The following TTI1 variants were observed in gnomAD, a reference collection of about 807,000 sequenced individuals.
TTI1 encodes the protein TELO2-interacting protein 1 homolog.
TTI1 carries 52 observed loss-of-function variants against 85.4 expected under a neutral mutation model. That is an observed-to-expected ratio of 0.61 (90% CI 0.49 to 0.77). The LOEUF (loss-of-function observed/expected upper bound fraction) is 0.77, where lower values mean the gene tolerates loss of function less well. TTI1 is among the 30% of genes least tolerant of loss of function. The probability of loss-of-function intolerance (pLI) is 0.00; values close to 1 mark genes in which losing one functional copy is unlikely to be tolerated. For synonymous variants in TTI1, 512 were observed against 503.9 expected (o/e 1.02, Z -0.22); for missense variants, 1,173 against 1,296.0 (o/e 0.91, Z 1.46).
chr20:38,031,165 ACT>A (rs2073901280), intron 1 of TTI1, among the ~76,000 whole-genome samples: 2 of 151,520 alleles, frequency 1.3e-5, no homozygotes, highest in Non-Finnish European at 2.9e-5. Context: ...CTACCTTTGC[ACT>A]CTTACTGTCT....
At chr20:37,987,686 T>G (rs2073210677) in intron 7 of TTI1, among the ~76,000 whole-genome samples, 1 of 152,190 alleles carries the variant, frequency 6.6e-6, no homozygotes, top group South Asian at 2.1e-4. Flanking sequence ...TTTAAAAAAT[T>G]TAGAACTCGC....
At chr20:38,025,133 T>C (rs949572179) in intron 1 of TTI1, among the ~76,000 whole-genome samples, 3 of 152,170 alleles carry the variant, frequency 2.0e-5, no homozygotes, top group East Asian at 1.9e-4. Flanking sequence ...GTGTCAGAGA[T>C]TGTTTAGTCT....
intron 6 of TTI1, 87 bp downstream of exon 6, chr20:37,996,662 G>C (rs2073344546): frequency 2.0e-6 from 3 of 1,478,534 alleles, no homozygotes; most frequent in Admixed American, 1.9e-5. Context: ...GGGGAGGGGA[G>C]GGGGGCACGA....
At chr20:38,011,436 G>A in intron 2 of TTI1, 79 bp downstream of exon 2, 2 of 1,495,552 alleles carry the variant, frequency 1.3e-6, no homozygotes, top group South Asian at 1.3e-5. Flanking sequence ...CACAAACAAT[G>A]CAAAAAACGA....
intron 2 of TTI1, among the ~76,000 whole-genome samples, chr20:38,007,913 T>C (rs145512196): frequency 1.5e-4 from 23 of 152,292 alleles, no homozygotes; most frequent in African/African-American, 5.1e-4. Flanking sequence ...TCCCAAATAG[T>C]TAAAACCTGG....
At position 38,012,514 on chromosome 20, in the gene TTI1, C is replaced by T; in HGVS notation, c.1303G>A (p.Val435Ile). ...ATGTCAGCCACGTCTAGCTCTAGAACTTGGATGAGTGCTTTGGAAAGCCGC... is the reference window on the plus strand; with the variant it reads ...ATGTCAGCCACGTCTAGCTCTAGAATTTGGATGAGTGCTTTGGAAAGCCGC... Reference protein sequence around the residue: ...LQRLSKALIQVLELDVADIKI... With the variant: ...LQRLSKALIQILELDVADIKI... The change falls in exon 2 of 8, where the codon GTT becomes ATT. Residue 435 changes from valine (V) to isoleucine (I), a missense_variant. Physicochemically the swap from Val to Ile is conservative, Grantham distance 29 (BLOSUM62 3). Coordinates refer to ENST00000373447, the MANE Select transcript of TTI1 (RefSeq NM_001303457.2). The T allele has an allele frequency of 1.2e-6, 2 of 1,614,170 alleles. No individual in the cohort carries two copies. Among genetic ancestry groups the T allele is most frequent in the Non-Finnish European group, 1.7e-6 (2 of 1,180,048 alleles).
At position 38,013,083 on chromosome 20, in the gene TTI1, A is replaced by C; in HGVS notation, c.734T>G (p.Phe245Cys). The part of the protein sequence containing the change: ...SLKIFYKTVS[F>C]IMADEQLKRI... The stretch of plus-strand genomic sequence containing the variant: ...TTTGAGCTGTTCATCAGCCATAATG[A>C]AGCTCACTGTCTTGTAAAAGATCTT... The change falls in exon 2 of 8, where the codon TTC becomes TGC. Residue 245 changes from phenylalanine (F) to cysteine (C), a missense_variant. Transcript: ENST00000373447. 1 of 1,614,206 alleles carries C rather than the reference A, an allele frequency of 6.2e-7. No individual in the cohort carries two copies.
At chr20:37,987,272 A>G in intron 7 of TTI1, 2 of 456,734 alleles carry the variant, frequency 4.4e-6, no homozygotes, top group Non-Finnish European at 8.8e-6. Flanking sequence ...CTGAAAGCCA[A>G]AGTTGTTGAA....
chr20:38,023,143 T>C (rs1398191857), intron 1 of TTI1, among the ~76,000 whole-genome samples: 1 of 152,210 alleles, frequency 6.6e-6, no homozygotes, highest in African/African-American at 2.4e-5. Flanking sequence ...TAGGTATTTA[T>C]TGTATTCCTC....
chr20:38,024,782 A>T (rs1024330074), intron 1 of TTI1, among the ~76,000 whole-genome samples: 1 of 152,198 alleles, frequency 6.6e-6, no homozygotes, highest in African/African-American at 2.4e-5. Context: ...AAGGAAGACA[A>T]AGTAGGAGCA....
In TTI1 at chr20:38,011,852, T is replaced by C; in HGVS notation, c.1965A>G (p.Pro655=). ...FCLLLMSALY[P]VLEKAGDQTL... ...TTTGGTCTCCAGCCTTCTCCAGTACTGGATAAAGGGCTGACATCAAGAGCA... is the reference window on the plus strand; with the variant it reads ...TTTGGTCTCCAGCCTTCTCCAGTACCGGATAAAGGGCTGACATCAAGAGCA... The change falls in exon 2 of 8, where the codon CCA becomes CCG. Residue 655 remains proline, a synonymous_variant. Transcript: ENST00000373447. The C allele has an allele frequency of 6.2e-7, 1 of 1,614,248 alleles. No individual in the cohort carries two copies. The highest frequency in any genetic ancestry group is 8.5e-7 in the Non-Finnish European group (1 of 1,180,048).
At chr20:38,030,528 A>AACACACAC (rs3038751) in intron 1 of TTI1, among the ~76,000 whole-genome samples, 15,839 of 144,764 alleles carry the variant, frequency 0.11, 873 homozygotes, top group South Asian at 0.22. Context: ...CAGTATGTAA[A>AACACACAC]ACACACACAC....
In TTI1 at chr20:37,983,338, G is replaced by T; in HGVS notation, c.*118C>A. 1 of 987,422 alleles carries T rather than the reference G, an allele frequency of 1.0e-6. No homozygotes were observed. The highest frequency in any genetic ancestry group is 1.5e-6 in the Non-Finnish European group (1 of 686,412). 61.2% of individuals were successfully genotyped at this position (987,422 alleles called of 1,614,324 possible). On this transcript the variant is annotated 3_prime_UTR_variant, in exon 8 of 8. Transcript: ENST00000373447. ...GATCGATCAATTTATAAATCGATTGGCTAACTAATTCACCTTCTCTGCTGC... is the reference window on the plus strand; with the variant it reads ...GATCGATCAATTTATAAATCGATTGTCTAACTAATTCACCTTCTCTGCTGC...
rs781245030 is a variant in TTI1, at chr20:38,012,179, AAT to A, written c.1636_1637del (p.Ile546Ter). On this transcript the variant is annotated frameshift_variant, in exon 2 of 8. Coordinates refer to ENST00000373447, the MANE Select transcript of TTI1 (RefSeq NM_001303457.2). LOFTEE classifies it high-confidence loss of function. ...CTCTCAGTTCTTCTGGGTTTGTTTT[AAT>A]ATGTTTTTCGTGAAGATCCTCAACC... ...LEVEDLHEKH[I>X]KTNPEELREI... is the part of the protein sequence containing the mutation. 3.7e-6 allele frequency: 6 copies of A among 1,614,118 alleles called. No individual in the cohort carries two copies. Among genetic ancestry groups the A allele is most frequent in the Admixed American group, 1.7e-5 (1 of 60,018 alleles).
intron 1 of TTI1, among the ~76,000 whole-genome samples, chr20:38,023,616 C>G (rs998171985): frequency 1.3e-5 from 2 of 152,166 alleles, no homozygotes; most frequent in African/African-American, 4.8e-5. Context: ...TTTCTCTTCC[C>G]AGCTGAATGG....
chr20:38,024,608 G>A (rs62203560), intron 1 of TTI1, among the ~76,000 whole-genome samples: 27,507 of 152,032 alleles, frequency 0.18, 2,905 homozygotes, highest in Middle Eastern at 0.34. Flanking sequence ...GGGCACCCTC[G>A]CAAGACAAAA....
intron 7 of TTI1, among the ~76,000 whole-genome samples, chr20:37,987,812 T>C (rs1488715190): frequency 6.6e-6 from 1 of 152,214 alleles, no homozygotes; most frequent in Non-Finnish European, 1.5e-5. Flanking sequence ...GCCATTTGCC[T>C]GCACTTCAGC....
At position 38,012,118 on chromosome 20, in the gene TTI1, G is replaced by C; in HGVS notation, c.1699C>G (p.Gln567Glu). The C allele has an allele frequency of 6.2e-7, 1 of 1,614,130 alleles. No homozygotes were observed. Among genetic ancestry groups the C allele is most frequent in the Non-Finnish European group, 8.5e-7 (1 of 1,180,040 alleles). The change falls in exon 2 of 8, where the codon CAA becomes GAA. Residue 567 changes from glutamine (Q) to glutamate (E), a missense_variant. Coordinates refer to ENST00000373447, the MANE Select transcript of TTI1 (RefSeq NM_001303457.2). Reference protein sequence around the residue: ...VTSILEEYTSQENWYLVTCLE... With the variant: ...VTSILEEYTSEENWYLVTCLE... ...CAGGTAACCAAATACCAATTTTCTT[G>C]ACTTGTGTATTCTTCAAGTATAGAT... is the stretch of plus-strand genomic sequence containing the variant.
chr20:37,994,341 G>T (rs1447413682), intron 7 of TTI1, among the ~76,000 whole-genome samples: 1 of 152,056 alleles, frequency 6.6e-6, no homozygotes. Context: ...CATCATGTTG[G>T]CCAGGCTGGT....
Sources: gnomAD v4.1 joint callset for allele counts (sites outside exome capture counted in the v4.1 genomes callset) on GRCh38, gnomAD v4.1.1 for gene constraint, MANE v1.5 for transcripts, NCBI Gene and HGNC (gene_info 2026-07-23, HGNC 2026-07-21) for gene names.